Variants in CHKA observed in about 807,000 individuals in gnomAD.
CHKA encodes the protein choline kinase alpha, also known as CHETK-alpha.
CHKA carries 34 observed loss-of-function variants against 60.1 expected under a neutral mutation model. That is an observed-to-expected ratio of 0.57 (90% CI 0.43 to 0.75). The LOEUF (loss-of-function observed/expected upper bound fraction) is 0.75. CHKA is among the 30% of genes least tolerant of loss of function. The pLI is 0.00. For missense variants in CHKA, 563 were observed against 561.3 expected, an observed-to-expected ratio of 1.00 and a Z score of -0.03; for synonymous variants, 217 against 223.1, an observed-to-expected ratio of 0.97 and a Z score of 0.24.
intron 1 of CHKA, among the ~76,000 whole-genome samples, chr11:68,107,076 A>G (rs1439145947): frequency 6.6e-6 from 1 of 151,992 alleles, no homozygotes; most frequent in Non-Finnish European, 1.5e-5. Context: ...ATATGGTGAA[A>G]CCCCGTCTCT....
chr11:68,121,350 G>C lies in CHKA; in HGVS notation c.-173C>G, dbSNP rs1858649884. 2 of 292,836 alleles carry C rather than the reference G, an allele frequency of 6.8e-6. No homozygotes were observed. The highest frequency in any genetic ancestry group is 5.2e-6 in the Non-Finnish European group (1 of 191,594). 18.1% of individuals were successfully genotyped at this position (292,836 alleles called of 1,614,324 possible). A position where few individuals can be genotyped will look rare whatever the true frequency, so the allele number is the denominator to read the frequency against. On this transcript the variant is annotated 5_prime_UTR_variant, in exon 1 of 12. Transcript: ENST00000265689. ...GGCTGCGGCGACTGCGGCGACTGTGGAGCGGGGATGTGCTGCTGGCCGCTG... is the reference window on the plus strand; with the variant it reads ...GGCTGCGGCGACTGCGGCGACTGTGCAGCGGGGATGTGCTGCTGGCCGCTG...
chr11:68,107,263 T>A (rs933249449), intron 1 of CHKA, among the ~76,000 whole-genome samples: 2 of 150,586 alleles, frequency 1.3e-5, no homozygotes, highest in African/African-American at 2.5e-5. Flanking sequence ...AAAAAAAAAA[T>A]GTTCAAACAT....
At chr11:68,094,456 A>AC (rs1249080400) in intron 2 of CHKA, among the ~76,000 whole-genome samples, 1 of 152,086 alleles carries the variant, frequency 6.6e-6, no homozygotes, top group Non-Finnish European at 1.5e-5. Context: ...TGGGAGGATC[A>AC]CCTGAGCCCA....
chr11:68,065,853 T>C lies in CHKA; in HGVS notation c.1058A>G (p.Asp353Gly). The C allele has an allele frequency of 6.2e-7, 1 of 1,606,714 alleles. No homozygotes were observed. Among genetic ancestry groups the C allele is most frequent in the South Asian group, 1.1e-5 (1 of 90,892 alleles). Residue 353 changes from aspartate (D) to glycine (G), a missense_variant, in exon 9 of 12, where the codon GAT becomes GGT. By Grantham distance (94) the Asp-to-Gly change is moderately conservative (BLOSUM62 -1). Transcript: ENST00000265689. ...IGNHFCEWMY[D>G]YSYEKYPFFR... ...AAAAGGGTATTTTTCATAGCTATAA[T>C]CATACATCCACTCACAGAAGTGATT...
chr11:68,085,347 C>A (rs1857145933), intron 2 of CHKA, among the ~76,000 whole-genome samples: 1 of 152,096 alleles, frequency 6.6e-6, no homozygotes, highest in Admixed American at 6.5e-5. Context: ...TATTAGCCTC[C>A]CAAGTAGCAG....
At chr11:68,054,565 C>T (rs1415127685) in intron 11 of CHKA, among the ~76,000 whole-genome samples, 2 of 152,192 alleles carry the variant, frequency 1.3e-5, no homozygotes, top group Non-Finnish European at 2.9e-5. Flanking sequence ...GTTTCTGCCA[C>T]TATTTTTCTG....
intron 1 of CHKA, among the ~76,000 whole-genome samples, chr11:68,099,138 A>G (rs1201264322): frequency 6.6e-6 from 1 of 152,178 alleles, no homozygotes. Context: ...AAATCTATAA[A>G]GTCCATTAGT....
At chr11:68,117,363 T>A (rs1858428807) in intron 1 of CHKA, among the ~76,000 whole-genome samples, 1 of 152,126 alleles carries the variant, frequency 6.6e-6, no homozygotes, top group Non-Finnish European at 1.5e-5. Context: ...GGAGTGATTT[T>A]AAAACAGTAA....
At chr11:68,075,430 C>T (rs1037021632) in intron 3 of CHKA, among the ~76,000 whole-genome samples, 1 of 151,844 alleles carries the variant, frequency 6.6e-6, no homozygotes, top group Admixed American at 6.6e-5. Context: ...TGTTTGTTGT[C>T]TTGCTGAAAT....
chr11:68,087,173 T>C (rs1031164177), intron 2 of CHKA, among the ~76,000 whole-genome samples: 1 of 132,114 alleles, frequency 7.6e-6, no homozygotes, highest in Non-Finnish European at 1.6e-5. Context: ...ACGAAATCAT[T>C]ATCAATTATG....
At position 68,066,468 on chromosome 11, in the gene CHKA, A is replaced by G. The variant is rs1295559343; in HGVS notation, c.977T>C (p.Leu326Pro). The change falls in exon 8 of 12, where the codon CTG (leucine) becomes CCG (proline). Residue 326 changes from leucine to proline, a missense_variant. Physicochemically the swap from Leu to Pro is moderately conservative, Grantham distance 98 (BLOSUM62 -3). Transcript: ENST00000265689. ...EGRENSEKQK[L>P]MLIDFEYSSY... ...GCTGTATTCGAAATCAATGAGCATC[A>G]GTTTCTGTTTTTCAGAATTCTCTCG... 1 of 1,614,188 alleles carries G rather than the reference A, an allele frequency of 6.2e-7. No homozygotes were observed.
intron 1 of CHKA, among the ~76,000 whole-genome samples, chr11:68,115,220 T>G (rs1858337267): frequency 6.6e-6 from 1 of 152,234 alleles, no homozygotes; most frequent in Non-Finnish European, 1.5e-5. Flanking sequence ...GTTCAGTAGA[T>G]TCAATGTATT....
chr11:68,068,423 T>C (rs978565860), intron 7 of CHKA, among the ~76,000 whole-genome samples: 1 of 145,154 alleles, frequency 6.9e-6, no homozygotes. Flanking sequence ...TCCATGTAAT[T>C]TTTTTTTTTT....
chr11:68,110,390 T>C (rs1858088054), intron 1 of CHKA, among the ~76,000 whole-genome samples: 1 of 152,154 alleles, frequency 6.6e-6, no homozygotes. Flanking sequence ...AATAAGAGAT[T>C]ATATAGCAGG....
intron 10 of CHKA, among the ~76,000 whole-genome samples, chr11:68,062,506 T>TC (rs1301622370): frequency 6.6e-6 from 1 of 152,086 alleles, no homozygotes; most frequent in East Asian, 1.9e-4. Flanking sequence ...CCTTGTCCCA[T>TC]CCCCTCCTGT....
At chr11:68,058,659 TTTA>T (rs1194184378) in intron 11 of CHKA, among the ~76,000 whole-genome samples, 1 of 152,226 alleles carries the variant, frequency 6.6e-6, no homozygotes, top group African/African-American at 2.4e-5. Flanking sequence ...TGTTGATTCC[TTTA>T]TTATTTTAAA....
chr11:68,055,640 G>T (rs1316363799), intron 11 of CHKA, among the ~76,000 whole-genome samples: 1 of 152,158 alleles, frequency 6.6e-6, no homozygotes, highest in Non-Finnish European at 1.5e-5. Context: ...GTAGGGTATC[G>T]CAATGAGGCT....
chr11:68,075,743 C>G (rs1384239172), intron 3 of CHKA, among the ~76,000 whole-genome samples: 1 of 152,032 alleles, frequency 6.6e-6, no homozygotes, highest in Non-Finnish European at 1.5e-5. Context: ...AGAGACCAGC[C>G]TGGGCAACAT....
chr11:68,083,603 C>T (rs748753177), intron 2 of CHKA, among the ~76,000 whole-genome samples: 2 of 152,118 alleles, frequency 1.3e-5, no homozygotes, highest in Admixed American at 1.3e-4. Flanking sequence ...ATGGCGCTCG[C>T]AAAAGCAAGT....
Sources: gnomAD v4.1 joint callset for allele counts (sites outside exome capture counted in the v4.1 genomes callset) on GRCh38, gnomAD v4.1.1 for gene constraint, MANE v1.5 for transcripts, NCBI Gene and HGNC (gene_info 2026-07-23, HGNC 2026-07-21) for gene names.